BICRAL: variants seen among roughly 807,000 people sequenced by gnomAD.
BICRAL encodes the protein BICRA like chromatin remodeling complex associated protein.
Under a neutral mutation model 91.8 loss-of-function variants are expected in BICRAL, and 8 were observed. That is an observed-to-expected ratio of 0.09 (90% confidence interval 0.05 to 0.16). The LOEUF is 0.16. Among genes scored for constraint, BICRAL ranks in the 10% least tolerant of loss-of-function variants. The pLI is 1.00. For synonymous variants in BICRAL, 445 were observed against 491.1 expected, an observed-to-expected ratio of 0.91 and a Z score of 1.24; for missense variants, 1,038 against 1,310.9, an observed-to-expected ratio of 0.79 and a Z score of 3.21.
At chr6:42,864,439 T>G (rs1012812738) in intron 12 of BICRAL, among the ~76,000 whole-genome samples, 1 of 152,232 alleles carries the variant, frequency 6.6e-6, no homozygotes, top group Non-Finnish European at 1.5e-5. Context: ...TCAAAAGGTT[T>G]AAGCTCCCCA....
rs56120528 is a variant in BICRAL, at chr6:42,811,265, G to A, written c.-6+864G>A. Among the ~76,000 whole-genome samples the A allele has an allele frequency of 1.2e-3, 188 of 152,314 alleles. 1 individual carries two copies. Among genetic ancestry groups the A allele is most frequent in the African/African-American group, 4.3e-3 (177 of 41,570 alleles). ...TGTTTCCTTACCATAGCTCAGGGGAGGAGGAATCCACAGGAAGGCTGATAA... is the reference window on the plus strand; with the variant it reads ...TGTTTCCTTACCATAGCTCAGGGGAAGAGGAATCCACAGGAAGGCTGATAA... On this transcript the variant is annotated intron_variant, in intron 2 of 12. Coordinates refer to ENST00000314073, the MANE Select transcript of BICRAL (RefSeq NM_001393499.1).
At chr6:42,802,481 C>A (rs1290974900) in intron 1 of BICRAL, among the ~76,000 whole-genome samples, 1 of 151,340 alleles carries the variant, frequency 6.6e-6, no homozygotes, top group Non-Finnish European at 1.5e-5. Context: ...GGAGTTTCGC[C>A]CTTGTTGCCC....
intron 1 of BICRAL, among the ~76,000 whole-genome samples, chr6:42,807,833 A>G: frequency 6.6e-6 from 1 of 151,956 alleles, no homozygotes; most frequent in East Asian, 1.9e-4. Flanking sequence ...GCACGCCTGT[A>G]CAACTGAAAA....
At chr6:42,826,220 A>C (rs1447752005) in intron 5 of BICRAL, among the ~76,000 whole-genome samples, 3 of 149,536 alleles carry the variant, frequency 2.0e-5, no homozygotes, top group African/African-American at 5.1e-5. Context: ...CAGGCTCTGG[A>C]AACTCATGTT....
intron 2 of BICRAL, among the ~76,000 whole-genome samples, chr6:42,811,094 C>G (rs1370879734): frequency 6.6e-6 from 1 of 152,122 alleles, no homozygotes; most frequent in African/African-American, 2.4e-5. Flanking sequence ...GATTTAACTT[C>G]CTGTGTAGAA....
chr6:42,793,678 T>G (rs930554977), intron 1 of BICRAL, among the ~76,000 whole-genome samples: 37 of 152,064 alleles, frequency 2.4e-4, no homozygotes, highest in Non-Finnish European at 4.4e-4. Context: ...AGTCAACCCC[T>G]TTTCTCTAGG....
At chr6:42,797,110 TAAAGGA>T (rs1290752978) in intron 1 of BICRAL, among the ~76,000 whole-genome samples, 1 of 147,256 alleles carries the variant, frequency 6.8e-6, no homozygotes, top group South Asian at 2.2e-4. Context: ...AACTGGAGCC[TAAAGGA>T]AAAGGAAGAT....
intron 1 of BICRAL, among the ~76,000 whole-genome samples, chr6:42,766,429 C>T (rs1490558175): frequency 1.3e-5 from 2 of 152,172 alleles, no homozygotes; most frequent in South Asian, 2.1e-4. Context: ...ACCCACATGC[C>T]TTAGCTCTGA....
At chr6:42,856,045 G>A (rs1765341092) in intron 9 of BICRAL, 128 bp downstream of exon 9, 1 of 779,568 alleles carries the variant, frequency 1.3e-6, no homozygotes, top group South Asian at 1.5e-5. Flanking sequence ...TGTACTTTGA[G>A]GCAAGGCATG....
At chr6:42,864,513 C>G in intron 12 of BICRAL, 146 bp from the exon 13 acceptor site, 2 of 665,048 alleles carry the variant, frequency 3.0e-6, no homozygotes, top group Non-Finnish European at 5.2e-6. Flanking sequence ...GATCAGGGTC[C>G]TGCTTCTGCA....
rs1347699812 is a variant in BICRAL, at chr6:42,775,497, A to C, written c.-260-6342A>C. ...AGGAGAGTTAAAGAGTTCTGATAGA[A>C]TACCAGGGGGACCTGGGAGCCAGTG... On this transcript the variant is annotated intron_variant, in intron 1 of 14. Transcript: ENST00000614467. 2.0e-5 allele frequency among the ~76,000 whole-genome samples: 3 copies of C among 152,304 alleles called. No individual in the cohort carries two copies. The East Asian group carries it at 5.8e-4, about 29-fold the overall frequency.
chr6:42,810,081 C>T (rs927593298), intron 1 of BICRAL, among the ~76,000 whole-genome samples: 1 of 152,194 alleles, frequency 6.6e-6, no homozygotes, highest in Non-Finnish European at 1.5e-5. Flanking sequence ...GCCACTATGC[C>T]CGGCCAAATT....
At chr6:42,789,092 T>A (rs1242764370) in intron 1 of BICRAL, among the ~76,000 whole-genome samples, 2 of 152,066 alleles carry the variant, frequency 1.3e-5, no homozygotes, top group Admixed American at 6.6e-5. Context: ...AAGAGAAGAA[T>A]CAGAGTGGGG....
chr6:42,798,146 A>T (rs9367164), intron 1 of BICRAL, among the ~76,000 whole-genome samples: 1 of 151,416 alleles, frequency 6.6e-6, no homozygotes, highest in Non-Finnish European at 1.5e-5. Context: ...AATGGTACGC[A>T]TGGACATAAA....
intron 1 of BICRAL, among the ~76,000 whole-genome samples, chr6:42,800,143 C>T (rs1763524802): frequency 6.6e-6 from 1 of 152,114 alleles, no homozygotes. Flanking sequence ...CAGCTGACTG[C>T]AACCTCTGTC....
chr6:42,827,201 C>G (rs890000773), intron 5 of BICRAL, among the ~76,000 whole-genome samples: 4 of 152,202 alleles, frequency 2.6e-5, no homozygotes, highest in Non-Finnish European at 5.9e-5. Flanking sequence ...TATTAACTTA[C>G]TATCATCAGG....
chr6:42,791,224 CT>C (rs1180335230), intron 1 of BICRAL, among the ~76,000 whole-genome samples: 1 of 152,104 alleles, frequency 6.6e-6, no homozygotes, highest in African/African-American at 2.4e-5. Flanking sequence ...ACCAGATCCT[CT>C]TATACCCAGG....
intron 6 of BICRAL, among the ~76,000 whole-genome samples, chr6:42,850,670 G>A (rs971567071): frequency 6.6e-6 from 1 of 152,082 alleles, no homozygotes; most frequent in Non-Finnish European, 1.5e-5. Context: ...CGGATAACAA[G>A]GTCAGGAGTT....
intron 1 of BICRAL, among the ~76,000 whole-genome samples, chr6:42,797,518 A>G (rs1763448418): frequency 6.6e-6 from 1 of 152,108 alleles, no homozygotes; most frequent in Non-Finnish European, 1.5e-5. Flanking sequence ...TAATGCCTTG[A>G]GTGAGTAACT....
Sources: gnomAD v4.1 joint callset for allele counts (sites outside exome capture counted in the v4.1 genomes callset) on GRCh38, gnomAD v4.1.1 for gene constraint, MANE v1.5 for transcripts, NCBI Gene and HGNC (gene_info 2026-07-23, HGNC 2026-07-21) for gene names.